Variants in NARS2 observed in about 807,000 individuals in gnomAD.
NARS2 encodes asparaginyl-tRNA synthetase.
A neutral mutation model predicts 62.9 loss-of-function variants in NARS2; 60 were observed. The ratio of observed to expected loss-of-function variants is 0.95; its 90% CI spans 0.77 to 1.18. The LOEUF is 1.18. Ranked by LOEUF, NARS2 falls within the 50% of genes most tolerant of loss-of-function variation. The pLI is 0.00. For missense variants in NARS2, 619 were observed against 576.4 expected (o/e 1.07, Z -0.76); for synonymous variants, 196 against 200.0 (o/e 0.98, Z 0.17).
At chr11:78,460,118 A>T (rs1858335815) in intron 11 of NARS2, among the ~76,000 whole-genome samples, 1 of 152,212 alleles carries the variant, frequency 6.6e-6, no homozygotes, top group African/African-American at 2.4e-5. Context: ...AGGAGAGAAC[A>T]AAGTGGAGTC....
intron 9 of NARS2, among the ~76,000 whole-genome samples, chr11:78,477,214 C>G (rs1319429675): frequency 6.6e-6 from 1 of 152,074 alleles, no homozygotes; most frequent in South Asian, 2.1e-4. Context: ...ACTTAATGAC[C>G]ACTTTTATCA....
At chr11:78,460,831 T>G (rs951214726) in intron 11 of NARS2, among the ~76,000 whole-genome samples, 1 of 152,190 alleles carries the variant, frequency 6.6e-6, no homozygotes, top group Non-Finnish European at 1.5e-5. Context: ...CATTTGTGGA[T>G]TCAACCAACA....
intron 4 of NARS2, among the ~76,000 whole-genome samples, chr11:78,564,626 C>T (rs1177226856): frequency 1.3e-5 from 2 of 152,092 alleles, no homozygotes; most frequent in East Asian, 3.8e-4. Flanking sequence ...CAAAAGCCTA[C>T]AAAACCTTCA....
chr11:78,547,121 A>C (rs1855910920), intron 5 of NARS2, among the ~76,000 whole-genome samples: 1 of 152,178 alleles, frequency 6.6e-6, no homozygotes, highest in African/African-American at 2.4e-5. Flanking sequence ...GCTTGAGCCC[A>C]GGAATTAGAG....
At chr11:78,574,291 G>T in intron 1 of NARS2, 57 bp downstream of exon 1, 1 of 1,603,804 alleles carries the variant, frequency 6.2e-7, no homozygotes, top group South Asian at 1.1e-5. Context: ...GCTAGATGTG[G>T]ATGTGCCATA....
chr11:78,524,698 C>A (rs76585345), intron 6 of NARS2, among the ~76,000 whole-genome samples: 1 of 151,704 alleles, frequency 6.6e-6, no homozygotes. Flanking sequence ...AAAAAAAAAA[C>A]TCTGTCTACT....
chr11:78,557,044 A>G (rs1218658980), intron 5 of NARS2, among the ~76,000 whole-genome samples: 1 of 152,190 alleles, frequency 6.6e-6, no homozygotes, highest in Admixed American at 6.5e-5. Context: ...CTTGAAGGAA[A>G]CTTCTTACAA....
At chr11:78,468,610 T>G (rs550892273) in intron 10 of NARS2, among the ~76,000 whole-genome samples, 424 of 151,852 alleles carry the variant, frequency 2.8e-3, no homozygotes, top group Non-Finnish European at 4.5e-3. Flanking sequence ...TTCACCATGT[T>G]AGCCAGGATG....
chr11:78,527,859 C>T (rs1405081859), intron 6 of NARS2, among the ~76,000 whole-genome samples: 1 of 152,170 alleles, frequency 6.6e-6, no homozygotes, highest in East Asian at 1.9e-4. Flanking sequence ...CTTGTAATCC[C>T]AGTGCTTTGG....
rs1327876488 is a variant in NARS2, at chr11:78,492,323, G to A, written c.822+740C>T. 2.6e-5 allele frequency among the ~76,000 whole-genome samples: 4 copies of A among 152,264 alleles called. No homozygotes were observed. In the East Asian group the frequency reaches 5.8e-4, roughly 22 times the overall value. On this transcript the variant is annotated intron_variant, in intron 7 of 13. Coordinates refer to ENST00000281038, the MANE Select transcript of NARS2 (RefSeq NM_024678.6). ...CCATTCAATTCCACTTGTGTGCACT[G>A]TCTGGATTATGTCTACAGCCTCCTA...
chr11:78,459,562 G>A (rs1355186160), intron 11 of NARS2, among the ~76,000 whole-genome samples: 6 of 152,184 alleles, frequency 3.9e-5, no homozygotes, highest in African/African-American at 9.6e-5. Context: ...GAGCCACCGC[G>A]CCCAGCCGAT....
chr11:78,522,582 G>A (rs1861169877), intron 6 of NARS2, among the ~76,000 whole-genome samples: 1 of 152,014 alleles, frequency 6.6e-6, no homozygotes, highest in Non-Finnish European at 1.5e-5. Flanking sequence ...AAATGCTGAA[G>A]CAAGTATTTT....
chr11:78,491,418 T>C (rs978265767), intron 7 of NARS2, among the ~76,000 whole-genome samples: 5 of 152,260 alleles, frequency 3.3e-5, no homozygotes, highest in African/African-American at 9.6e-5. Context: ...AAGTGCCCTA[T>C]ATGGGAATCC....
At chr11:78,479,665 T>C (rs543313394) in intron 7 of NARS2, among the ~76,000 whole-genome samples, 8 of 152,362 alleles carry the variant, frequency 5.3e-5, no homozygotes, top group African/African-American at 1.9e-4. Context: ...AACAAGACAA[T>C]ATTACGTCTT....
intron 5 of NARS2, among the ~76,000 whole-genome samples, chr11:78,539,617 G>C (rs538036638): frequency 6.6e-6 from 1 of 152,282 alleles, no homozygotes; most frequent in Middle Eastern, 3.4e-3. Flanking sequence ...AAACAGTTTG[G>C]CAGTCAGTAT....
chr11:78,519,963 G>C (rs757931321), intron 6 of NARS2, among the ~76,000 whole-genome samples: 3 of 152,008 alleles, frequency 2.0e-5, no homozygotes, highest in Non-Finnish European at 4.4e-5. Context: ...AAAGTGCTGG[G>C]ATTACAGGTG....
intron 11 of NARS2, chr11:78,444,062 G>A: frequency 5.6e-6 from 1 of 179,036 alleles, no homozygotes; most frequent in Non-Finnish European, 1.2e-5. Flanking sequence ...ACATTTTTGT[G>A]GATTTCCTTT....
intron 5 of NARS2, 141 bp downstream of exon 5, chr11:78,559,398 G>A (rs1183518593): frequency 5.6e-6 from 3 of 532,376 alleles, no homozygotes; most frequent in African/African-American, 2.0e-5. Flanking sequence ...AATTGTCTAT[G>A]TAAGTTTTTC....
intron 11 of NARS2, among the ~76,000 whole-genome samples, chr11:78,459,566 A>G (rs997974079): frequency 1.3e-5 from 2 of 152,082 alleles, no homozygotes; most frequent in Non-Finnish European, 2.9e-5. Flanking sequence ...CACCGCGCCC[A>G]GCCGATCTGA....
Sources: gnomAD v4.1 joint callset for allele counts (sites outside exome capture counted in the v4.1 genomes callset) on GRCh38, gnomAD v4.1.1 for gene constraint, MANE v1.5 for transcripts, NCBI Gene and HGNC (gene_info 2026-07-23, HGNC 2026-07-21) for gene names.